Variants in DACH2 observed in about 807,000 individuals in gnomAD.
The protein encoded by DACH2 is dachshund homolog 2.
Under a neutral mutation model 35.8 loss-of-function variants are expected in DACH2, and 17 were observed. The observed-to-expected ratio is 0.48, with a 90% CI of 0.33 to 0.71. DACH2 has a LOEUF of 0.71. Ranked by LOEUF, DACH2 falls within the 30% of genes least tolerant of loss-of-function variation. The pLI, the probability that DACH2 is intolerant of heterozygous loss-of-function variation, is 0.02. For synonymous variants in DACH2, 195 were observed against 177.3 expected (o/e 1.10, Z -0.79); for missense variants, 469 against 472.7 (o/e 0.99, Z 0.07).
In DACH2 at chrX:86,449,506, T is replaced by C. The variant is rs2037329583; in HGVS notation, c.528-64773T>C. Among the ~76,000 whole-genome samples, 4 of 111,709 alleles carry C rather than the reference T, an allele frequency of 3.6e-5. No homozygotes were observed. The East Asian group carries it at 1.1e-3, about 31-fold the overall frequency. On this transcript the variant is annotated intron_variant, in intron 2 of 11. Transcript: ENST00000373125. ...TATATTCAAGGACATTATTGAAGGG[T>C]AAGGACATATTACTGCTATTTTAAA...
intron 3 of DACH2, among the ~76,000 whole-genome samples, chrX:86,518,061 G>T (rs1178405969): frequency 8.9e-6 from 1 of 112,040 alleles, no homozygotes; most frequent in Non-Finnish European, 1.9e-5. Context: ...TCCATCTTGA[G>T]TTGATTTCTG....
At chrX:86,266,895 G>A (rs902916038) in intron 1 of DACH2, among the ~76,000 whole-genome samples, 9 of 111,765 alleles carry the variant, frequency 8.1e-5, no homozygotes, top group Non-Finnish European at 1.7e-4. Flanking sequence ...ATATTGAACT[G>A]TTGTCTTTGA....
intron 6 of DACH2, 97 bp downstream of exon 6, chrX:86,714,817 C>A: frequency 1.3e-6 from 1 of 760,538 alleles, no homozygotes; most frequent in Non-Finnish European, 1.9e-6. Flanking sequence ...AGTAACTCAG[C>A]TCATTGACTC....
intron 7 of DACH2, among the ~76,000 whole-genome samples, chrX:86,742,247 CATA>C (rs969770974): frequency 3.6e-5 from 4 of 110,291 alleles, no homozygotes; most frequent in African/African-American, 1.3e-4. Context: ...AATAGGGCTA[CATA>C]ATGTTTGAAT....
intron 1 of DACH2, among the ~76,000 whole-genome samples, chrX:86,364,360 C>T (rs2035778521): frequency 1.5e-5 from 1 of 67,629 alleles, no homozygotes; most frequent in Non-Finnish European, 3.0e-5. Context: ...CACTATAAGA[C>T]CAAGAGCCTC....
intron 1 of DACH2, among the ~76,000 whole-genome samples, chrX:86,331,707 C>G (rs1405393428): frequency 2.7e-5 from 3 of 111,193 alleles, no homozygotes; most frequent in Non-Finnish European, 3.8e-5. Flanking sequence ...AGCATAATTT[C>G]AAAAATTATA....
intron 7 of DACH2, among the ~76,000 whole-genome samples, chrX:86,766,121 G>A (rs2041932636): frequency 1.8e-5 from 2 of 110,676 alleles, no homozygotes; most frequent in African/African-American, 6.6e-5. Flanking sequence ...GATGTACCCA[G>A]AACTCTTTCA....
At chrX:86,429,674 C>T (rs767213323) in intron 2 of DACH2, among the ~76,000 whole-genome samples, 24 of 109,867 alleles carry the variant, frequency 2.2e-4, no homozygotes, top group African/African-American at 7.0e-4. Flanking sequence ...CATTCTGTTG[C>T]CTTAGCCTCC....
chrX:86,336,953 G>T (rs981487742), intron 1 of DACH2, among the ~76,000 whole-genome samples: 1 of 107,693 alleles, frequency 9.3e-6, no homozygotes, highest in Admixed American at 1.0e-4. Flanking sequence ...TAGCTGAATC[G>T]ATCAAGCAGA....
intron 1 of DACH2, among the ~76,000 whole-genome samples, chrX:86,219,951 G>A (rs1473164725): frequency 1.0e-5 from 1 of 98,365 alleles, no homozygotes; most frequent in Admixed American, 1.2e-4. Context: ...GAGGTCAGGA[G>A]TTCCAGACTA....
intron 3 of DACH2, among the ~76,000 whole-genome samples, chrX:86,545,583 T>C (rs1189117290): frequency 2.7e-5 from 3 of 112,184 alleles, no homozygotes; most frequent in East Asian, 5.6e-4. Context: ...TCATTTAATG[T>C]AATGTCTCCA....
At chrX:86,621,042 T>C (rs2040064346) in intron 3 of DACH2, among the ~76,000 whole-genome samples, 1 of 111,852 alleles carries the variant, frequency 8.9e-6, no homozygotes, top group Non-Finnish European at 1.9e-5. Flanking sequence ...AATAATTCCT[T>C]TGGGCTTTTT....
At chrX:86,652,453 G>A (rs1443497794) in intron 4 of DACH2, among the ~76,000 whole-genome samples, 5 of 112,061 alleles carry the variant, frequency 4.5e-5, no homozygotes, top group Non-Finnish European at 9.4e-5. Flanking sequence ...ATTCCTTTGG[G>A]TGTATACCCA....
chrX:86,327,349 C>T (rs1443644899), intron 1 of DACH2, among the ~76,000 whole-genome samples: 2 of 111,916 alleles, frequency 1.8e-5, no homozygotes, highest in South Asian at 3.7e-4. Flanking sequence ...GGCTTTGTTT[C>T]TCACCAAGAC....
intron 2 of DACH2, among the ~76,000 whole-genome samples, chrX:86,437,028 C>G (rs775161228): frequency 3.8e-4 from 42 of 111,076 alleles, no homozygotes; most frequent in Non-Finnish European, 7.4e-4. Context: ...TTGGAGTCTT[C>G]TCTCTTTTAT....
chrX:86,240,772 T>C (rs1032540274), intron 1 of DACH2, among the ~76,000 whole-genome samples: 5 of 110,387 alleles, frequency 4.5e-5, no homozygotes, highest in African/African-American at 1.7e-4. Flanking sequence ...TGGGGGTGGA[T>C]TTCCCCCTTG....
At chrX:86,404,947 G>A (rs769900372) in intron 2 of DACH2, among the ~76,000 whole-genome samples, 1 of 112,439 alleles carries the variant, frequency 8.9e-6, no homozygotes, top group East Asian at 2.8e-4. Context: ...AGCCACCAAG[G>A]CTTGGGGCTT....
intron 1 of DACH2, among the ~76,000 whole-genome samples, chrX:86,297,541 G>A (rs1002843389): frequency 2.7e-5 from 3 of 111,401 alleles, no homozygotes; most frequent in African/African-American, 9.8e-5. Context: ...ATGACAAAAA[G>A]ATAATTTATT....
intron 7 of DACH2, among the ~76,000 whole-genome samples, chrX:86,757,406 TC>T (rs966266500): frequency 1.8e-5 from 2 of 112,125 alleles, no homozygotes; most frequent in African/African-American, 6.5e-5. Context: ...AGGGAGAATT[TC>T]TTCCAATTTA....
Sources: allele counts gnomAD v4.1 joint callset (sites outside exome capture counted in the v4.1 genomes callset), GRCh38; gene constraint gnomAD v4.1.1; transcripts MANE v1.5; gene names NCBI Gene and HGNC (gene_info 2026-07-23, HGNC 2026-07-21).